The following NISCH variants were observed in gnomAD, a reference collection of about 807,000 sequenced individuals.
NISCH encodes the protein nischarin.
Under a neutral mutation model 138.4 loss-of-function variants are expected in NISCH, and 55 were observed. That is an observed-to-expected ratio of 0.40 (90% confidence interval 0.32 to 0.50). NISCH has a LOEUF of 0.50. Among genes scored for constraint, NISCH ranks in the 20% least tolerant of loss-of-function variants. The pLI, the probability that NISCH is intolerant of heterozygous loss-of-function variation, is 0.71. For missense variants in NISCH, 1,643 were observed against 2,005.5 expected (o/e 0.82, Z 3.45); for synonymous variants, 860 against 861.5 (o/e 1.00, Z 0.03).
At chr3:52,468,214 A>G (rs1211643995) in intron 3 of NISCH, among the ~76,000 whole-genome samples, 1 of 152,138 alleles carries the variant, frequency 6.6e-6, no homozygotes, top group Non-Finnish European at 1.5e-5. Context: ...AGCCAGGATC[A>G]CGCCACTGCA....
intron 2 of NISCH, 110 bp from the exon 3 acceptor site, chr3:52,458,552 G>A (rs1282431082): frequency 1.2e-6 from 1 of 854,028 alleles, no homozygotes; most frequent in Non-Finnish European, 1.8e-6. Flanking sequence ...CTACTGCAGG[G>A]AGGGGCTGTG....
rs1707344406 is a variant in NISCH, at chr3:52,484,016, TC to T, written c.1529-496del. ...TTTGTGTACTTCTGAGAGCGAGCAT[TC>T]TTTTCATGTTCTATCCGCTGGCCGT... On this transcript the variant is annotated intron_variant, in intron 13 of 20. Transcript: ENST00000345716. Among the ~76,000 whole-genome samples the T allele has an allele frequency of 2.0e-5, 3 of 152,262 alleles. 1 individual carries two copies. The South Asian group carries it at 6.2e-4, about 31-fold the overall frequency.
chr3:52,484,503 G>C lies in NISCH; in HGVS notation c.1529-10G>C, dbSNP rs1559639590. The C allele has an allele frequency of 9.4e-7, 1 of 1,058,404 alleles. No individual in the cohort carries two copies. Among genetic ancestry groups the C allele is most frequent in the Admixed American group, 2.4e-5 (1 of 41,844 alleles). 65.6% of individuals were successfully genotyped at this position (1,058,404 alleles called of 1,614,324 possible). A position where few individuals can be genotyped will look rare whatever the true frequency, so the allele number is the denominator to read the frequency against. Reference sequence around the variant, plus strand: ...CCTGCCTGCCTGCCCACCCGCCCTGGTCTCTCCAGGAATCATGTTCGTTCA... The same window carrying C: ...CCTGCCTGCCTGCCCACCCGCCCTGCTCTCTCCAGGAATCATGTTCGTTCA... On this transcript the variant is annotated splice_polypyrimidine_tract_variant and intron_variant, in intron 13 of 20. Coordinates refer to ENST00000345716, the MANE Select transcript of NISCH (RefSeq NM_007184.4).
At chr3:52,463,714 C>CTTTTTT (rs71084184) in intron 3 of NISCH, among the ~76,000 whole-genome samples, 3 of 41,402 alleles carry the variant, frequency 7.2e-5, no homozygotes, top group Non-Finnish European at 7.7e-5. Flanking sequence ...TATTGAACCT[C>CTTTTTT]TTTTTTTTTT....
intron 20 of NISCH, 23 bp from the exon 21 acceptor site, chr3:52,491,849 G>T: frequency 1.3e-6 from 2 of 1,564,930 alleles, no homozygotes; most frequent in East Asian, 2.3e-5. Context: ...CCAGGCTATA[G>T]CCCAGGTGGC....
At chr3:52,468,345 T>G (rs1362300194) in intron 3 of NISCH, among the ~76,000 whole-genome samples, 1 of 152,176 alleles carries the variant, frequency 6.6e-6, no homozygotes, top group East Asian at 1.9e-4. Context: ...GTAAGAGCCT[T>G]GTGTCCTGAG....
intron 7 of NISCH, 26 bp downstream of exon 7, chr3:52,473,855 G>A: frequency 6.6e-7 from 1 of 1,518,844 alleles, no homozygotes; most frequent in Non-Finnish European, 9.1e-7. Context: ...ATCCTGCCTG[G>A]GGCAATGTCT....
At chr3:52,476,685 G>A (rs1026510412) in intron 8 of NISCH, 86 bp downstream of exon 8, 2 of 1,362,980 alleles carry the variant, frequency 1.5e-6, no homozygotes, top group East Asian at 4.8e-5. Flanking sequence ...TTTTAGGAAG[G>A]ACCACGGAAA....
chr3:52,469,953 G>T (rs967896380), intron 3 of NISCH, among the ~76,000 whole-genome samples: 1 of 151,536 alleles, frequency 6.6e-6, no homozygotes, highest in Non-Finnish European at 1.5e-5. Context: ...TTGTGCTGAT[G>T]CACACCTATA....
chr3:52,458,621 G>A (rs1706543682), intron 2 of NISCH, 41 bp from the exon 3 acceptor site: 1 of 1,563,956 alleles, frequency 6.4e-7, no homozygotes, highest in South Asian at 1.2e-5. Context: ...TAGGCACAGA[G>A]CCTCTTAGTC....
At chr3:52,471,070 G>A (rs1289479008) in intron 4 of NISCH, among the ~76,000 whole-genome samples, 163 bp downstream of exon 4, 1 of 152,150 alleles carries the variant, frequency 6.6e-6, no homozygotes, top group East Asian at 1.9e-4. Flanking sequence ...TGAGTACCAT[G>A]TCAGGGGCTC....
chr3:52,473,659 A>G (rs1392530936), intron 6 of NISCH, 75 bp from the exon 7 acceptor site: 3 of 1,031,748 alleles, frequency 2.9e-6, no homozygotes, highest in East Asian at 5.1e-5. Context: ...GTATGGGGGT[A>G]GGAAACACCT....
rs565835552 is a variant in NISCH, at chr3:52,481,802, C to T, written c.1528+1507C>T. Reference sequence around the variant, plus strand: ...AGCCCCCTCCTCACTCCCCTTGTGCCCTGGGGACACTCTGCAGAGGGGCAC... The same window carrying T: ...AGCCCCCTCCTCACTCCCCTTGTGCTCTGGGGACACTCTGCAGAGGGGCAC... On this transcript the variant is annotated intron_variant, in intron 13 of 20. Coordinates refer to ENST00000345716, the MANE Select transcript of NISCH (RefSeq NM_007184.4). 6 of 985,522 alleles carry T rather than the reference C, an allele frequency of 6.1e-6. No homozygotes were observed. In the South Asian group the frequency reaches 2.3e-4, roughly 39 times the overall value. 61.0% of individuals were successfully genotyped at this position (985,522 alleles called of 1,614,324 possible).
chr3:52,476,497 C>T lies in NISCH; in HGVS notation c.816C>T (p.Gly272=). 3 of 1,614,048 alleles carry T rather than the reference C, an allele frequency of 1.9e-6. No individual in the cohort carries two copies. Among genetic ancestry groups the T allele is most frequent in the Non-Finnish European group, 2.5e-6 (3 of 1,179,986 alleles). The part of the protein sequence containing the change: ...ASEFDEWEPE[G]TTLEGPVTAV... ...AATTTGATGAGTGGGAGCCTGAAGGCACAACCCTAGAAGGCCCTGTGACTG... is the reference window on the plus strand; with the variant it reads ...AATTTGATGAGTGGGAGCCTGAAGGTACAACCCTAGAAGGCCCTGTGACTG... The change falls in exon 8 of 21, where the codon GGC becomes GGT. Residue 272 remains glycine (G), a synonymous_variant. Transcript: ENST00000345716.
In NISCH at chr3:52,490,793, A is replaced by T; in HGVS notation, c.3702A>T (p.Ser1234=). ...TGCTAAAGCTTAGTGACCTGCAGTCAGTCAATGTGGGGCTTTTCGACCAGC... is the reference window on the plus strand; with the variant it reads ...TGCTAAAGCTTAGTGACCTGCAGTCTGTCAATGTGGGGCTTTTCGACCAGC... The part of the protein sequence containing the change: ...CFVLKLSDLQ[S]VNVGLFDQHF... The change falls in exon 19 of 21, where the codon TCA becomes TCT. Residue 1234 remains serine, a synonymous_variant. Transcript: ENST00000345716. 6.2e-7 allele frequency: 1 copy of T among 1,614,220 alleles called. No individual in the cohort carries two copies. Among genetic ancestry groups the T allele is most frequent in the Non-Finnish European group, 8.5e-7 (1 of 1,180,028 alleles).
At chr3:52,479,390 C>T (rs1159042928) in intron 11 of NISCH, among the ~76,000 whole-genome samples, 1 of 152,176 alleles carries the variant, frequency 6.6e-6, no homozygotes, top group East Asian at 1.9e-4. Context: ...CCACCTCTAA[C>T]TGGGGGCTTA....
intron 13 of NISCH, chr3:52,481,801 C>T (rs1305869504): frequency 2.0e-6 from 2 of 985,398 alleles, no homozygotes; most frequent in Non-Finnish European, 2.4e-6. Context: ...TCCCCTTGTG[C>T]CCTGGGGACA....
At chr3:52,474,263 G>A (rs1331036615) in intron 7 of NISCH, among the ~76,000 whole-genome samples, 1 of 152,016 alleles carries the variant, frequency 6.6e-6, no homozygotes, top group East Asian at 1.9e-4. Flanking sequence ...ACAGGTGCCT[G>A]CCACCATGCC....
chr3:52,480,966 C>G, intron 13 of NISCH: 1 of 1,485,566 alleles, frequency 6.7e-7, no homozygotes, highest in Non-Finnish European at 8.9e-7. Context: ...TGTGCCGTCC[C>G]GAGTGGAGCC....
Sources: gnomAD v4.1 joint callset for allele counts (sites outside exome capture counted in the v4.1 genomes callset) on GRCh38, gnomAD v4.1.1 for gene constraint, MANE v1.5 for transcripts, NCBI Gene and HGNC (gene_info 2026-07-23, HGNC 2026-07-21) for gene names.